ATP6V0A4: variants seen among roughly 807,000 people sequenced by gnomAD.
ATP6V0A4 encodes V-type proton ATPase 116 kDa subunit a 4.
A neutral mutation model predicts 107.3 loss-of-function variants in ATP6V0A4; 86 were observed. That is an observed-to-expected ratio of 0.80 (90% CI 0.67 to 0.96). The LOEUF is 0.96. Ranked by LOEUF, ATP6V0A4 falls within the 40% of genes least tolerant of loss-of-function variation. The probability of loss-of-function intolerance (pLI) is 0.00; values close to 1 mark genes in which losing one functional copy is unlikely to be tolerated. For missense variants in ATP6V0A4, 908 were observed against 1,045.6 expected, an observed-to-expected ratio of 0.87 and a Z score of 1.81; for synonymous variants, 353 against 381.4, an observed-to-expected ratio of 0.93 and a Z score of 0.87.
At chr7:138,734,289 G>T in intron 15 of ATP6V0A4, 35 bp from the exon 16 acceptor site, 1 of 1,610,972 alleles carries the variant, frequency 6.2e-7, no homozygotes, top group Non-Finnish European at 8.5e-7. Flanking sequence ...CCAAGTGAGA[G>T]AGAGTCTTAG....
At chr7:138,713,658 T>G (rs1168674811) in intron 20 of ATP6V0A4, among the ~76,000 whole-genome samples, 4 of 152,090 alleles carry the variant, frequency 2.6e-5, no homozygotes, top group Admixed American at 2.6e-4. Flanking sequence ...TCTTCCAGAC[T>G]GGGGGACTAG....
intron 2 of ATP6V0A4, among the ~76,000 whole-genome samples, chr7:138,774,316 C>T (rs915346706): frequency 6.6e-6 from 1 of 151,314 alleles, no homozygotes; most frequent in Non-Finnish European, 1.5e-5. Flanking sequence ...CCGTGGCTCA[C>T]GCCGGTAATT....
intron 9 of ATP6V0A4, 104 bp downstream of exon 9, chr7:138,756,354 T>C: frequency 6.4e-7 from 1 of 1,569,430 alleles, no homozygotes; most frequent in Non-Finnish European, 8.7e-7. Context: ...TTCTAAAGCC[T>C]TACTGACCTC....
intron 18 of ATP6V0A4, 75 bp from the exon 19 acceptor site, chr7:138,722,100 G>A (rs1804452589): frequency 6.3e-7 from 1 of 1,587,056 alleles, no homozygotes; most frequent in East Asian, 2.3e-5. Context: ...TATAAATAAA[G>A]GCTCTCCTCA....
chr7:138,740,880 T>C (rs1805604227), intron 14 of ATP6V0A4, among the ~76,000 whole-genome samples: 2 of 151,656 alleles, frequency 1.3e-5, no homozygotes, highest in Non-Finnish European at 2.9e-5. Context: ...CGGTGGCTCA[T>C]GCTTGTAATC....
At chr7:138,788,809 C>A (rs947977048) in intron 1 of ATP6V0A4, among the ~76,000 whole-genome samples, 1 of 152,204 alleles carries the variant, frequency 6.6e-6, no homozygotes, top group Admixed American at 6.5e-5. Flanking sequence ...CCCCTTCACA[C>A]GCTTTCTTGC....
chr7:138,785,206 C>T (rs1350241885), intron 2 of ATP6V0A4, among the ~76,000 whole-genome samples: 1 of 152,050 alleles, frequency 6.6e-6, no homozygotes, highest in Non-Finnish European at 1.5e-5. Context: ...ACTGAATTCC[C>T]TCCAGATAGC....
At chr7:138,736,369 C>G (rs1471319573) in intron 15 of ATP6V0A4, among the ~76,000 whole-genome samples, 1 of 152,052 alleles carries the variant, frequency 6.6e-6, no homozygotes, top group Non-Finnish European at 1.5e-5. Context: ...TATAGTTATT[C>G]TCATTTTACA....
rs756026017 is a variant in ATP6V0A4 at position 138,759,802 on chromosome 7, C to G, written c.589G>C (p.Val197Leu). The G allele has an allele frequency of 6.2e-7, 1 of 1,614,120 alleles. No homozygotes were observed. The highest frequency in any genetic ancestry group is 2.2e-5 in the East Asian group (1 of 44,868). ...RLLWRICRGN[V>L]YLKFSEMDAP... ...TCCATCTCACTGAACTTCAAGTACACGTTTCCTCGGCAGATTCGCCACAGT... is the reference window on the plus strand; with the variant it reads ...TCCATCTCACTGAACTTCAAGTACAGGTTTCCTCGGCAGATTCGCCACAGT... The change falls in exon 8 of 22, where the codon GTG becomes CTG. Residue 197 changes from valine (V) to leucine (L), a missense_variant. Coordinates refer to ENST00000310018, the MANE Select transcript of ATP6V0A4 (RefSeq NM_020632.3).
intron 2 of ATP6V0A4, among the ~76,000 whole-genome samples, chr7:138,781,234 C>A (rs2130186746): frequency 6.6e-6 from 1 of 152,294 alleles, no homozygotes; most frequent in South Asian, 2.1e-4. Context: ...TCCTGCTGGT[C>A]CTTATGAACA....
In ATP6V0A4 at chr7:138,732,851, TA is replaced by T. The variant is rs57692175; in HGVS notation, c.1908+25del. ...CATAATCAAGTAAATAAAAGAAGAG[TA>T]AAAAAAAAAAAATAGCAGAAATACC... On this transcript the variant is annotated intron_variant, in intron 17 of 21. Coordinates refer to ENST00000310018, the MANE Select transcript of ATP6V0A4 (RefSeq NM_020632.3). The T allele has an allele frequency of 0.1, 131,207 of 1,318,616 alleles. 2,612 individuals are homozygous for T. Among genetic ancestry groups the T allele is most frequent in the African/African-American group, 0.3 (19,296 of 64,324 alleles). The allele number at this position is 1,318,616 out of a possible 1,614,324, so 81.7% of individuals were successfully genotyped here. A position where few individuals can be genotyped will look rare whatever the true frequency, so the allele number is the denominator to read the frequency against.
intron 10 of ATP6V0A4, among the ~76,000 whole-genome samples, chr7:138,754,254 G>A (rs1173443891): frequency 6.6e-6 from 1 of 151,948 alleles, no homozygotes; most frequent in East Asian, 1.9e-4. Flanking sequence ...TTCGAGACCA[G>A]CCTGACCGAC....
chr7:138,726,436 G>C (rs1437936655), intron 18 of ATP6V0A4, among the ~76,000 whole-genome samples: 1 of 152,252 alleles, frequency 6.6e-6, no homozygotes, highest in East Asian at 1.9e-4. Flanking sequence ...GGAAGGAGAT[G>C]TGTACTCACT....
chr7:138,771,269 A>T lies in ATP6V0A4; in HGVS notation c.-17-5T>A, dbSNP rs760074167. ...CCATCTTGGCCCAGCCTCGGTCTAC[A>T]GGAGAAAAAGAAAAAGATATTAATA... On this transcript the variant is annotated splice_polypyrimidine_tract_variant and splice_region_variant and intron_variant, in intron 2 of 21. Coordinates refer to ENST00000310018, the MANE Select transcript of ATP6V0A4 (RefSeq NM_020632.3). The T allele has an allele frequency of 1.2e-6, 2 of 1,612,174 alleles. No individual in the cohort carries two copies. Among genetic ancestry groups the T allele is most frequent in the African/African-American group, 2.7e-5 (2 of 74,902 alleles).
intron 19 of ATP6V0A4, among the ~76,000 whole-genome samples, chr7:138,721,438 C>A (rs542427587): frequency 2.6e-5 from 4 of 152,222 alleles, no homozygotes; most frequent in Non-Finnish European, 1.5e-5. Context: ...ATTAGAGAGG[C>A]TGAGGCAGGA....
chr7:138,762,809 T>C, intron 6 of ATP6V0A4, 91 bp downstream of exon 6: 2 of 1,415,836 alleles, frequency 1.4e-6, no homozygotes, highest in Non-Finnish European at 2.0e-6. Context: ...AACAGAGTGA[T>C]TTACTCAGAT....
intron 1 of ATP6V0A4, among the ~76,000 whole-genome samples, chr7:138,789,968 CA>C (rs34413519): frequency 0.022 from 2,730 of 126,220 alleles, 12 homozygotes; most frequent in Non-Finnish European, 0.031. Flanking sequence ...GACTCTGTCT[CA>C]AAAAAAAAAA....
intron 20 of ATP6V0A4, among the ~76,000 whole-genome samples, chr7:138,713,061 C>T (rs568816706): frequency 1.5e-4 from 22 of 151,502 alleles, no homozygotes; most frequent in African/African-American, 3.9e-4. Flanking sequence ...GAGGCCGAGG[C>T]GGGCAGATCA....
intron 5 of ATP6V0A4, among the ~76,000 whole-genome samples, chr7:138,767,530 TATG>T (rs1232425075): frequency 1.3e-5 from 2 of 151,562 alleles, no homozygotes; most frequent in Admixed American, 1.3e-4. Flanking sequence ...CTCAAAAAAA[TATG>T]ATAAGGTCCA....
Sources: allele counts gnomAD v4.1 joint callset (sites outside exome capture counted in the v4.1 genomes callset), GRCh38; gene constraint gnomAD v4.1.1; transcripts MANE v1.5; gene names NCBI Gene and HGNC (gene_info 2026-07-23, HGNC 2026-07-21).